Variants in ZFAT observed in about 807,000 individuals in gnomAD.
The protein encoded by ZFAT is zinc finger and AT-hook domain containing, also known as zinc finger protein ZFAT.
A neutral mutation model predicts 117.7 loss-of-function variants in ZFAT; 64 were observed. The observed-to-expected ratio is 0.54, with a 90% CI of 0.44 to 0.67. The LOEUF is 0.67. ZFAT is among the 30% of genes least tolerant of loss of function. ZFAT has a pLI of 0.00. For missense variants in ZFAT, 1,433 were observed against 1,584.5 expected (o/e 0.90, Z 1.62); for synonymous variants, 679 against 615.0 (o/e 1.10, Z -1.54).
In ZFAT at chr8:134,615,951, G is replaced by A. The variant is rs72719784; in HGVS notation, c.449-5296C>T. 6.3e-3 allele frequency among the ~76,000 whole-genome samples: 965 copies of A among 152,322 alleles called. 4 individuals carry two copies. Among genetic ancestry groups the A allele is most frequent in the Middle Eastern group, 0.037 (11 of 294 alleles). ...ACAAGGCTCCCACAAAAAAGAACAC[G>A]CATGCTCGCTCAGAGGCAAATGCCA... On this transcript the variant is annotated intron_variant, in intron 3 of 15. Coordinates refer to ENST00000377838, the MANE Select transcript of ZFAT (RefSeq NM_020863.4).
Position 134,670,168 on chromosome 8 carries a change from C to A in ZFAT, c.20-12431G>T, listed in dbSNP as rs191580812. Among the ~76,000 whole-genome samples the A allele has an allele frequency of 4.8e-3, 738 of 152,260 alleles. 7 individuals are homozygous for A. Among genetic ancestry groups the A allele is most frequent in the African/African-American group, 0.016 (682 of 41,554 alleles). Reference sequence around the variant, plus strand: ...AATAATAATGGGAGACTGTAACACCCCACTGTCAACATTAGACAGATCAAC... The same window carrying A: ...AATAATAATGGGAGACTGTAACACCACACTGTCAACATTAGACAGATCAAC... On this transcript the variant is annotated intron_variant, in intron 1 of 15. Coordinates refer to ENST00000377838, the MANE Select transcript of ZFAT (RefSeq NM_020863.4).
At chr8:134,645,803 C>T (rs1028008926) in intron 2 of ZFAT, among the ~76,000 whole-genome samples, 5 of 152,072 alleles carry the variant, frequency 3.3e-5, no homozygotes, top group Non-Finnish European at 5.9e-5. Flanking sequence ...ATACATATAC[C>T]GAACATGCCA....
At chr8:134,511,399 C>A (rs777643912) in intron 14 of ZFAT, among the ~76,000 whole-genome samples, 3 of 152,152 alleles carry the variant, frequency 2.0e-5, no homozygotes, top group Non-Finnish European at 4.4e-5. Context: ...ACAGCTGGGC[C>A]TCGACTCTCC....
chr8:134,690,803 A>G (rs1238097128), intron 1 of ZFAT, among the ~76,000 whole-genome samples: 2 of 152,230 alleles, frequency 1.3e-5, no homozygotes, highest in African/African-American at 4.8e-5. Context: ...TTCAGTTTTT[A>G]TTAGGAGAAA....
At position 134,610,786 on chromosome 8, in the gene ZFAT, G is replaced by T; in HGVS notation, c.449-131C>A. On this transcript the variant is annotated intron_variant, in intron 3 of 15. Transcript: ENST00000377838. The stretch of plus-strand genomic sequence containing the variant: ...TGGTCTGCAGTGCCACGCAGACCAC[G>T]GAATCACTGTAGGTACCACGGTGGC... 3 of 1,004,124 alleles carry T rather than the reference G, an allele frequency of 3.0e-6. No individual in the cohort carries two copies. In the Middle Eastern group the frequency reaches 9.2e-4, roughly 307 times the overall value. The allele number at this position is 1,004,124 out of a possible 1,614,324, so 62.2% of individuals were successfully genotyped here.
chr8:134,686,157 C>A (rs1833313826), intron 1 of ZFAT, among the ~76,000 whole-genome samples: 1 of 152,254 alleles, frequency 6.6e-6, no homozygotes, highest in Non-Finnish European at 1.5e-5. Context: ...GATTGGCCGC[C>A]ACCTGGCCAA....
At position 134,602,354 on chromosome 8, in the gene ZFAT, G is replaced by C. The variant is rs1276158246; in HGVS notation, c.1365C>G (p.Pro455=). The C allele has an allele frequency of 1.2e-6, 2 of 1,613,714 alleles. No individual in the cohort carries two copies. The highest frequency in any genetic ancestry group is 2.2e-5 in the East Asian group (1 of 44,894). The change falls in exon 6 of 16, where the codon CCC becomes CCG. Residue 455 remains proline, a synonymous_variant. Transcript: ENST00000377838. ...QALELHVRKH[P]FVYVCAVCRK... ...GGCAGACGGCACAGACGTACACGAA[G>C]GGGTGCTTCCTGACATGCAGTTCCA...
At chr8:134,562,152 G>T (rs965202684) in intron 11 of ZFAT, among the ~76,000 whole-genome samples, 2 of 152,148 alleles carry the variant, frequency 1.3e-5, no homozygotes, top group African/African-American at 4.8e-5. Context: ...CATATTTCTG[G>T]CCATGAAGAT....
chr8:134,615,333 C>T (rs764630214), intron 3 of ZFAT, among the ~76,000 whole-genome samples: 3 of 152,138 alleles, frequency 2.0e-5, no homozygotes, highest in Non-Finnish European at 2.9e-5. Context: ...ATTACAGGTG[C>T]GCACCATCCC....
Position 134,583,947 on chromosome 8 carries a change from G to C in ZFAT, c.2772C>G (p.Leu924=), listed in dbSNP as rs1825886413. Residue 924 remains leucine (L), a synonymous_variant, in exon 10 of 16, where the codon CTC becomes CTG. Coordinates refer to ENST00000377838, the MANE Select transcript of ZFAT (RefSeq NM_020863.4). ...TGCTGTGACGATTCATATGAGCCTT[G>C]AGGTTACTCTTGCTACGAGTTGCAT... ...CEYATRSKSN[L]KAHMNRHSTE... is the part of the protein sequence containing the mutation. 1 of 1,586,978 alleles carries C rather than the reference G, an allele frequency of 6.3e-7. No individual in the cohort carries two copies. Among genetic ancestry groups the C allele is most frequent in the Admixed American group, 1.8e-5 (1 of 55,526 alleles).
chr8:134,779,660 C>CA, the ZFAT span, among the ~76,000 whole-genome samples: 1 of 151,810 alleles, frequency 6.6e-6, no homozygotes, highest in Non-Finnish European at 1.5e-5. Flanking sequence ...TGCCAAAAGA[C>CA]AAAAAATGTA....
chr8:134,504,067 A>G (rs942278646), intron 15 of ZFAT, among the ~76,000 whole-genome samples: 5 of 152,212 alleles, frequency 3.3e-5, no homozygotes, highest in African/African-American at 9.7e-5. Flanking sequence ...CAGGCTTGGT[A>G]AAGTGCATGC....
At chr8:134,708,068 T>G (rs1429632370) in intron 1 of ZFAT, among the ~76,000 whole-genome samples, 2 of 152,234 alleles carry the variant, frequency 1.3e-5, no homozygotes, top group South Asian at 2.1e-4. Context: ...AACACTGTCC[T>G]AAGTAAAATA....
chr8:134,760,136 C>T, the ZFAT span, among the ~76,000 whole-genome samples: 13 of 151,566 alleles, frequency 8.6e-5, no homozygotes, highest in African/African-American at 2.7e-4. Flanking sequence ...GGCGCAGTGA[C>T]GGGCACCTGC....
the ZFAT span, among the ~76,000 whole-genome samples, chr8:134,759,254 T>C: frequency 0.46 from 70,013 of 152,068 alleles, 16,907 homozygotes; most frequent in African/African-American, 0.61. Context: ...AGTCGAATTT[T>C]CATTTTGCAG....
intron 11 of ZFAT, among the ~76,000 whole-genome samples, chr8:134,548,729 C>T (rs999193182): frequency 2.0e-4 from 31 of 152,178 alleles, no homozygotes; most frequent in Non-Finnish European, 4.0e-4. Flanking sequence ...TACCACCTAA[C>T]ACCTACTGAC....
rs1322009958 is a variant in ZFAT at position 134,697,225 on chromosome 8, C to CT, written c.19+15619_19+15620insA. On this transcript the variant is annotated intron_variant, in intron 1 of 15. Transcript: ENST00000377838. ...CGCCTCCCTGGTTCAAGCAATTATC[C>CT]GCCTCAGCCTCCTGAGTACCTGGGA... Among the ~76,000 whole-genome samples, 33 of 151,772 alleles carry CT rather than the reference C, an allele frequency of 2.2e-4. 1 individual carries two copies. Among genetic ancestry groups the CT allele is most frequent in the African/African-American group, 6.8e-4 (28 of 41,346 alleles).
At chr8:134,695,131 C>T (rs566678660) in intron 1 of ZFAT, among the ~76,000 whole-genome samples, 1 of 152,286 alleles carries the variant, frequency 6.6e-6, no homozygotes, top group African/African-American at 2.4e-5. Context: ...GACGAACTAA[C>T]CATGGCCCAG....
intron 10 of ZFAT, among the ~76,000 whole-genome samples, chr8:134,577,643 G>C (rs1026788861): frequency 6.6e-6 from 1 of 152,128 alleles, no homozygotes; most frequent in Non-Finnish European, 1.5e-5. Context: ...GCCAAGCCCT[G>C]TTCTAAGTGC....
Sources: allele counts gnomAD v4.1 joint callset (sites outside exome capture counted in the v4.1 genomes callset), GRCh38; gene constraint gnomAD v4.1.1; transcripts MANE v1.5; gene names NCBI Gene and HGNC (gene_info 2026-07-23, HGNC 2026-07-21).